Variants in ST7L observed in about 807,000 individuals in gnomAD.
The protein encoded by ST7L is suppression of tumorigenicity 7 like.
In ST7L, 57 loss-of-function variants were observed where a neutral mutation model predicts 72.5. The observed-to-expected ratio is 0.79, with a 90% CI of 0.64 to 0.98. The LOEUF (loss-of-function observed/expected upper bound fraction) is 0.98, where lower values mean the gene tolerates loss of function less well. Among genes scored for constraint, ST7L ranks in the 50% least tolerant of loss-of-function variants. ST7L has a pLI of 0.00. For synonymous variants in ST7L, 221 were observed against 240.9 expected (o/e 0.92, Z 0.77); for missense variants, 576 against 672.2 (o/e 0.86, Z 1.58).
chr1:112,545,068 C>T (rs1244081882), intron 13 of ST7L, among the ~76,000 whole-genome samples: 1 of 152,088 alleles, frequency 6.6e-6, no homozygotes, highest in African/African-American at 2.4e-5. Context: ...TGCGGTAAGT[C>T]ATATCAAAGT....
intron 11 of ST7L, among the ~76,000 whole-genome samples, chr1:112,575,140 G>A (rs1384017217): frequency 6.6e-6 from 1 of 152,206 alleles, no homozygotes; most frequent in African/African-American, 2.4e-5. Flanking sequence ...TTGGGAGGCT[G>A]AGGCAGAAGA....
intron 3 of ST7L, among the ~76,000 whole-genome samples, chr1:112,609,557 C>T (rs964360189): frequency 6.0e-5 from 9 of 150,136 alleles, no homozygotes; most frequent in African/African-American, 2.0e-4. Flanking sequence ...GGTATGGTGG[C>T]TCACGCCTGT....
intron 11 of ST7L, among the ~76,000 whole-genome samples, chr1:112,576,085 T>G (rs1663049946): frequency 2.0e-5 from 3 of 152,130 alleles, no homozygotes; most frequent in Non-Finnish European, 4.4e-5. Context: ...GGGCATTGTT[T>G]GTAGAACCCC....
In ST7L at chr1:112,578,427, T is replaced by C; in HGVS notation, c.1070-10A>G. The C allele has an allele frequency of 6.2e-7, 1 of 1,613,126 alleles. No homozygotes were observed. The highest frequency in any genetic ancestry group is 1.1e-5 in the South Asian group (1 of 91,064). On this transcript the variant is annotated splice_polypyrimidine_tract_variant and intron_variant, in intron 9 of 14. Coordinates refer to ENST00000358039, the MANE Select transcript of ST7L (RefSeq NM_017744.5). Reference sequence around the variant, plus strand: ...TTTGGAAGGCTTATATCTGTAACGATAATTTTCAATTTAGGTAGGAATTAC... The same window carrying C: ...TTTGGAAGGCTTATATCTGTAACGACAATTTTCAATTTAGGTAGGAATTAC...
Position 112,582,427 on chromosome 1 carries a change from A to G in ST7L, c.902T>C (p.Met301Thr), listed in dbSNP as rs562339819. 65 of 1,609,198 alleles carry G rather than the reference A, an allele frequency of 4.0e-5. No homozygotes were observed. In the South Asian group the frequency reaches 6.8e-4, roughly 17 times the overall value. ...TATTCTTCCTAATTTTCTTGCACAC[A>G]TTGCCAATCTTCTTTTAATATATAC... is the stretch of plus-strand genomic sequence containing the variant. ...VLVYIKRRLAMCARKLGRIRE... is the reference protein window; with the variant it reads ...VLVYIKRRLATCARKLGRIRE... Residue 301 changes from methionine to threonine, a missense_variant, in exon 8 of 15, where the codon ATG becomes ACG. Physicochemically the swap from Met to Thr is moderately conservative, Grantham distance 81. This residue lies in a region of ST7L where 511 missense variants were observed against 600.7 expected (regional missense o/e 0.85). Transcript: ENST00000358039.
rs1379838574 is a variant in ST7L at position 112,598,038 on chromosome 1, G to A, written c.555C>T (p.Asn185=). ...GKEPLTYYDM[N]LSAQDHQTFF... ...AGGTCTGATGGTCCTGAGCTGACAG[G>A]TTCATGTCATAGTATGTAAGTGGCT... The change falls in exon 5 of 15, where the codon AAC becomes AAT. Residue 185 remains asparagine, a synonymous_variant. Transcript: ENST00000358039. 1.9e-6 allele frequency: 3 copies of A among 1,613,572 alleles called. No homozygotes were observed. Among genetic ancestry groups the A allele is most frequent in the Admixed American group, 3.3e-5 (2 of 59,934 alleles).
chr1:112,529,746 AAAG>A (rs1654058897), intron 14 of ST7L: 1 of 150,988 alleles, frequency 6.6e-6, no homozygotes, highest in Non-Finnish European at 1.5e-5. Context: ...CCAAAAGATA[AAAG>A]TTAAAAAAAA....
At position 112,602,355 on chromosome 1, in the gene ST7L, G is replaced by T. The variant is rs114021317; in HGVS notation, c.452-1507C>A. Among the ~76,000 whole-genome samples the T allele has an allele frequency of 8.9e-3, 1,348 of 152,250 alleles. 8 individuals carry two copies. The highest frequency in any genetic ancestry group is 0.012 in the Non-Finnish European group (804 of 68,030). ...CTTGAACTCAGTTGCATGACCCTGA[G>T]AGTAAGGGTGTCCTTAAATTTTGTA... On this transcript the variant is annotated intron_variant, in intron 3 of 14. Coordinates refer to ENST00000358039, the MANE Select transcript of ST7L (RefSeq NM_017744.5).
chr1:112,613,684 A>C (rs1359598317), intron 2 of ST7L, among the ~76,000 whole-genome samples: 1 of 152,130 alleles, frequency 6.6e-6, no homozygotes, highest in Non-Finnish European at 1.5e-5. Flanking sequence ...TATATTTAAA[A>C]TGCGGTTTTA....
intron 2 of ST7L, among the ~76,000 whole-genome samples, chr1:112,612,584 T>C (rs747725298): frequency 2.1e-4 from 32 of 152,036 alleles, no homozygotes; most frequent in Non-Finnish European, 2.9e-4. Context: ...ACAACGTTTA[T>C]AGGAAAGTGT....
chr1:112,568,865 T>A (rs202184458), intron 11 of ST7L, among the ~76,000 whole-genome samples: 2 of 91,186 alleles, frequency 2.2e-5, no homozygotes, highest in African/African-American at 7.1e-5. Context: ...AATATAAATA[T>A]ATATATATAT....
intron 14 of ST7L, chr1:112,528,306 A>G (rs1653791617): frequency 6.6e-6 from 1 of 152,228 alleles, no homozygotes; most frequent in Non-Finnish European, 1.5e-5. Context: ...CATTATATAC[A>G]CTGGGGAATA....
Position 112,526,090 on chromosome 1 carries a change from G to A in ST7L, c.1651C>T (p.Gln551Ter), listed in dbSNP as rs1241046475. ...TCAAAGCCTGAGGATGCCCAGGGTT[G>A]GGGGCACCAGAGTCCCAGCACCTTC... Reference protein sequence around the residue: ...AKAVLGLWCPQPWASSGFEEN... With the variant: ...AKAVLGLWCP Residue 551 changes from glutamine to a stop codon, truncating the protein, a stop_gained, in exon 15 of 15, where the codon CAA (glutamine) becomes TAA (stop). Transcript: ENST00000358039. LOFTEE classifies it low-confidence loss of function (END_TRUNC). The A allele has an allele frequency of 4.4e-5, 71 of 1,614,000 alleles. No homozygotes were observed. The highest frequency in any genetic ancestry group is 6.0e-5 in the Non-Finnish European group (71 of 1,180,034).
At chr1:112,614,677 T>C (rs1669590176) in intron 2 of ST7L, among the ~76,000 whole-genome samples, 1 of 152,030 alleles carries the variant, frequency 6.6e-6, no homozygotes, top group South Asian at 2.1e-4. Flanking sequence ...CTGGGCATGG[T>C]GGTTCACGCC....
chr1:112,616,696 TCATGCCACTG>T (rs1457885435), intron 2 of ST7L, 107 bp downstream of exon 2: 1 of 633,740 alleles, frequency 1.6e-6, no homozygotes, highest in African/African-American at 2.0e-5. Context: ...TGAGCCGAGA[TCATGCCACTG>T]CACTCCAGCC....
At chr1:112,582,181 T>C (rs926566695) in intron 8 of ST7L, 75 bp from the exon 9 acceptor site, 2 of 1,168,384 alleles carry the variant, frequency 1.7e-6, no homozygotes, top group Non-Finnish European at 2.5e-6. Flanking sequence ...ATTCATTAAG[T>C]AGAAATTCTT....
At chr1:112,576,943 TA>T in intron 11 of ST7L, 42 bp downstream of exon 11, 2 of 1,436,672 alleles carry the variant, frequency 1.4e-6, no homozygotes, top group Non-Finnish European at 1.9e-6. Flanking sequence ...ATCAATTTGA[TA>T]AACTTAAATA....
Position 112,619,018 on chromosome 1 carries a change from T to C in ST7L, c.96A>G (p.Arg32=). The C allele has an allele frequency of 1.9e-6, 3 of 1,613,608 alleles. No individual in the cohort carries two copies. Among genetic ancestry groups the C allele is most frequent in the Non-Finnish European group, 1.7e-6 (2 of 1,179,848 alleles). The stretch of plus-strand genomic sequence containing the variant: ...CAGTCCCCGCCAGCCCGGCCCGCAG[T>C]CGCTCCCTCCAGCCTAGCGTCGGGT... The part of the protein sequence containing the change: ...GLNPTLGWRE[R]LRAGLAGTGA... The change falls in exon 1 of 15, where the codon CGA becomes CGG. Residue 32 remains arginine, a synonymous_variant. Transcript: ENST00000358039.
intron 13 of ST7L, among the ~76,000 whole-genome samples, chr1:112,543,584 G>A (rs1322606133): frequency 2.0e-5 from 3 of 151,496 alleles, no homozygotes; most frequent in Admixed American, 1.3e-4. Context: ...AATAAAGTAG[G>A]TAGGCCAGGT....
Sources: gnomAD v4.1 joint callset for allele counts (sites outside exome capture counted in the v4.1 genomes callset) on GRCh38, gnomAD v4.1.1 for gene constraint, gnomAD v4.1.1 regional missense constraint, MANE v1.5 for transcripts, NCBI Gene and HGNC (gene_info 2026-07-23, HGNC 2026-07-21) for gene names.